Variants in LRRC4C observed in about 807,000 individuals in gnomAD.
LRRC4C encodes the protein leucine-rich repeat-containing protein 4C.
In LRRC4C, 5 loss-of-function variants were observed where a neutral mutation model predicts 33.6. The ratio of observed to expected loss-of-function variants is 0.15; its 90% CI spans 0.08 to 0.31. The LOEUF (loss-of-function observed/expected upper bound fraction) is 0.31, where lower values mean the gene tolerates loss of function less well. LRRC4C is among the 10% of genes least tolerant of loss of function. LRRC4C has a pLI of 1.00. For missense variants in LRRC4C, 560 were observed against 796.7 expected (o/e 0.70, Z 3.58); for synonymous variants, 329 against 302.0 (o/e 1.09, Z -0.93).
intron 1 of LRRC4C, among the ~76,000 whole-genome samples, chr11:40,961,025 CA>C (rs1471557853): frequency 6.6e-6 from 1 of 151,700 alleles, no homozygotes; most frequent in Non-Finnish European, 1.5e-5. Flanking sequence ...CTCTAGCACA[CA>C]GTGATGCTTG....
chr11:40,482,140 A>T (rs1953603337), intron 3 of LRRC4C, among the ~76,000 whole-genome samples: 1 of 152,198 alleles, frequency 6.6e-6, no homozygotes, highest in South Asian at 2.1e-4. Flanking sequence ...CTTTGACTCA[A>T]AGAATGGTCT....
chr11:40,676,450 A>G (rs796139138), intron 2 of LRRC4C, among the ~76,000 whole-genome samples: 22 of 152,338 alleles, frequency 1.4e-4, no homozygotes, highest in African/African-American at 4.8e-4. Context: ...AGGGAATCTC[A>G]TCAGGCAAAC....
intron 3 of LRRC4C, among the ~76,000 whole-genome samples, chr11:40,615,932 T>C (rs1466357942): frequency 6.6e-6 from 1 of 151,832 alleles, no homozygotes; most frequent in East Asian, 1.9e-4. Flanking sequence ...AATTGAATTC[T>C]GTTTTACATA....
Position 40,940,597 on chromosome 11 carries a change from T to C in LRRC4C, c.-495-6874A>G, listed in dbSNP as rs1331078337. Among the ~76,000 whole-genome samples, 3 of 152,190 alleles carry C rather than the reference T, an allele frequency of 2.0e-5. No individual in the cohort carries two copies. In the East Asian group the frequency reaches 5.8e-4, roughly 29 times the overall value. On this transcript the variant is annotated intron_variant, in intron 1 of 6. Transcript: ENST00000528697. ...CATTATCTGCACATTCTACTTTTGATACGTTTTTCAAACAGATATCAAATT... is the reference window on the plus strand; with the variant it reads ...CATTATCTGCACATTCTACTTTTGACACGTTTTTCAAACAGATATCAAATT...
At chr11:40,610,252 A>T (rs374303743) in intron 3 of LRRC4C, among the ~76,000 whole-genome samples, 1 of 151,956 alleles carries the variant, frequency 6.6e-6, no homozygotes, top group East Asian at 1.9e-4. Context: ...AATGTGGTAT[A>T]CCATATGAAC....
chr11:40,782,511 G>C (rs935675886), intron 2 of LRRC4C, among the ~76,000 whole-genome samples: 2 of 151,596 alleles, frequency 1.3e-5, no homozygotes, highest in Non-Finnish European at 2.9e-5. Context: ...GAATGAAACT[G>C]AAATGCCCAG....
chr11:40,347,881 T>TA (rs1236487628), intron 3 of LRRC4C, among the ~76,000 whole-genome samples: 1 of 152,228 alleles, frequency 6.6e-6, no homozygotes, highest in Non-Finnish European at 1.5e-5. Context: ...GTGCTGGTAT[T>TA]ACAGGCGTGA....
At chr11:40,626,685 A>G (rs1962959761) in intron 3 of LRRC4C, among the ~76,000 whole-genome samples, 1 of 152,208 alleles carries the variant, frequency 6.6e-6, no homozygotes, top group African/African-American at 2.4e-5. Context: ...ATTGAGCTCC[A>G]CATACAGTCC....
intron 2 of LRRC4C, among the ~76,000 whole-genome samples, chr11:40,684,796 A>G (rs1050315548): frequency 6.6e-6 from 1 of 152,046 alleles, no homozygotes; most frequent in Non-Finnish European, 1.5e-5. Flanking sequence ...ACCAGTGACA[A>G]TCAGGACTAG....
chr11:40,938,787 T>C (rs1009895679), intron 1 of LRRC4C, among the ~76,000 whole-genome samples: 2 of 152,102 alleles, frequency 1.3e-5, no homozygotes, highest in African/African-American at 4.8e-5. Flanking sequence ...CATCCTTAAA[T>C]GAAGGGAATT....
chr11:40,993,653 T>C (rs1431246073), intron 1 of LRRC4C, among the ~76,000 whole-genome samples: 1 of 152,146 alleles, frequency 6.6e-6, no homozygotes, highest in Non-Finnish European at 1.5e-5. Context: ...ATTATTCCCA[T>C]CTTTTTTTTT....
rs1248970037 is a variant in LRRC4C at position 40,724,791 on chromosome 11, GAACT to G, written c.-406-76517_-406-76514del. ...GAGACCCCCCAAAAAATCATGCAAA[GAACT>G]AACAAAACAAAAGTTGGTTTGAGAG... On this transcript the variant is annotated intron_variant, in intron 2 of 6. Coordinates refer to ENST00000528697, the MANE Select transcript of LRRC4C (RefSeq NM_001258419.2). Among the ~76,000 whole-genome samples the G allele has an allele frequency of 5.9e-5, 9 of 152,160 alleles. No homozygotes were observed. In the East Asian group the frequency reaches 7.7e-4, roughly 13 times the overall value.
intron 3 of LRRC4C, among the ~76,000 whole-genome samples, chr11:40,413,412 A>G (rs1293898502): frequency 6.6e-6 from 1 of 152,076 alleles, no homozygotes; most frequent in Non-Finnish European, 1.5e-5. Flanking sequence ...TCTCTGCTTA[A>G]CATTCTCATT....
intron 1 of LRRC4C, among the ~76,000 whole-genome samples, chr11:41,179,854 T>C (rs1024801024): frequency 2.8e-5 from 4 of 142,454 alleles, no homozygotes; most frequent in African/African-American, 1.0e-4. Flanking sequence ...GTGATTGGAA[T>C]TGCTAGGTGT....
chr11:41,206,795 T>G (rs2136292175), intron 1 of LRRC4C, among the ~76,000 whole-genome samples: 1 of 152,260 alleles, frequency 6.6e-6, no homozygotes, highest in South Asian at 2.1e-4. Context: ...GGTTTCCCTG[T>G]ATAATCTCAA....
chr11:40,295,584 C>T (rs972022575), intron 4 of LRRC4C, among the ~76,000 whole-genome samples: 1 of 152,116 alleles, frequency 6.6e-6, no homozygotes, highest in Admixed American at 6.5e-5. Context: ...TTATACTCCA[C>T]GGTATTTCCT....
At chr11:40,366,457 A>C (rs1948212108) in intron 3 of LRRC4C, among the ~76,000 whole-genome samples, 1 of 152,018 alleles carries the variant, frequency 6.6e-6, no homozygotes, top group Non-Finnish European at 1.5e-5. Context: ...TGTACTGGGA[A>C]TACTGTGAGG....
chr11:41,150,059 G>A (rs1409459629), intron 1 of LRRC4C, among the ~76,000 whole-genome samples: 2 of 152,078 alleles, frequency 1.3e-5, no homozygotes, highest in Non-Finnish European at 2.9e-5. Context: ...CATTCCCTTA[G>A]ATAAAATCAT....
chr11:40,698,204 C>T (rs1197368734), intron 2 of LRRC4C, among the ~76,000 whole-genome samples: 1 of 151,998 alleles, frequency 6.6e-6, no homozygotes, highest in Non-Finnish European at 1.5e-5. Flanking sequence ...TATGGTTATG[C>T]AGTACAGTTC....
Sources: allele counts gnomAD v4.1 joint callset (sites outside exome capture counted in the v4.1 genomes callset), GRCh38; gene constraint gnomAD v4.1.1; transcripts MANE v1.5; gene names NCBI Gene and HGNC (gene_info 2026-07-23, HGNC 2026-07-21).